Variants in LPL observed in about 807,000 individuals in gnomAD.
The protein encoded by LPL is phospholipase A1.
A neutral mutation model predicts 52.2 loss-of-function variants in LPL; 43 were observed. That is an observed-to-expected ratio of 0.82 (90% confidence interval 0.64 to 1.06). The LOEUF is 1.06. Among genes scored for constraint, LPL ranks in the 50% least tolerant of loss-of-function variants. The pLI is 0.00. For synonymous variants in LPL, 244 were observed against 215.6 expected, an observed-to-expected ratio of 1.13 and a Z score of -1.15; for missense variants, 639 against 585.3, an observed-to-expected ratio of 1.09 and a Z score of -0.95.
rs374067507 is a variant in LPL at position 19,948,202 on chromosome 8, C to A, written c.111C>A (p.Ile37=). 1 of 1,613,990 alleles carries A rather than the reference C, an allele frequency of 6.2e-7. No homozygotes were observed. The highest frequency in any genetic ancestry group is 1.3e-5 in the African/African-American group (1 of 74,904). The part of the protein sequence containing the change: ...AADQRRDFID[I]ESKFALRTPE... Reference sequence around the variant, plus strand: ...CAGAAAGAAGAGATTTTATCGACATCGAAAGTAAATTTGCCCTAAGGACCC... The same window carrying A: ...CAGAAAGAAGAGATTTTATCGACATAGAAAGTAAATTTGCCCTAAGGACCC... Residue 37 remains isoleucine, a synonymous_variant, in exon 2 of 10, where the codon ATC becomes ATA. Coordinates refer to ENST00000650287, the MANE Select transcript of LPL (RefSeq NM_000237.3).
intron 1 of LPL, among the ~76,000 whole-genome samples, chr8:19,940,132 G>T (rs1335125892): frequency 6.6e-6 from 1 of 152,322 alleles, no homozygotes; most frequent in East Asian, 1.9e-4. Context: ...TCGGGGTGGA[G>T]AAAGTACGCG....
chr8:19,963,435 CAAA>C (rs377320060), intron 9 of LPL, among the ~76,000 whole-genome samples: 1 of 132,750 alleles, frequency 7.5e-6, no homozygotes, highest in Non-Finnish European at 1.6e-5. Context: ...GACTCCATCT[CAAA>C]AAAAAAAAAA....
At chr8:19,943,364 G>A (rs2069856471) in intron 1 of LPL, among the ~76,000 whole-genome samples, 1 of 151,982 alleles carries the variant, frequency 6.6e-6, no homozygotes. Flanking sequence ...CATCAATAAT[G>A]TACCTTTGAA....
chr8:19,947,801 T>C (rs1172841370), intron 1 of LPL, among the ~76,000 whole-genome samples: 1 of 151,970 alleles, frequency 6.6e-6, no homozygotes, highest in Non-Finnish European at 1.5e-5. Flanking sequence ...AATACCAGGG[T>C]AGCCTCAGCC....
intron 1 of LPL, among the ~76,000 whole-genome samples, chr8:19,943,988 A>G (rs1224230147): frequency 6.6e-6 from 1 of 152,060 alleles, no homozygotes; most frequent in Non-Finnish European, 1.5e-5. Context: ...GGAGTTCAAG[A>G]CCAGCGTGGC....
At position 19,965,345 on chromosome 8, in the gene LPL, T is replaced by C. The variant is rs1185030895; in HGVS notation, c.*35T>C. On this transcript the variant is annotated 3_prime_UTR_variant, in exon 10 of 10. Coordinates refer to ENST00000650287, the MANE Select transcript of LPL (RefSeq NM_000237.3). ...AATCTACAGAACAAAGAACGGCATG[T>C]GAATTCTGTGAAGAATGAAGTGGAG... The C allele has an allele frequency of 3.8e-6, 3 of 780,496 alleles. No individual in the cohort carries two copies. Among genetic ancestry groups the C allele is most frequent in the African/African-American group, 1.7e-5 (1 of 59,120 alleles). The allele number at this position is 780,496 out of a possible 1,614,324, so 48.3% of individuals were successfully genotyped here.
intron 1 of LPL, among the ~76,000 whole-genome samples, chr8:19,947,111 C>T (rs933712476): frequency 1.3e-5 from 2 of 152,192 alleles, no homozygotes; most frequent in Admixed American, 1.3e-4. Context: ...TTTCTTAGAA[C>T]ATTTTGAAGT....
chr8:19,950,748 G>C lies in LPL; in HGVS notation c.250-1021G>C, dbSNP rs1310712916. Among the ~76,000 whole-genome samples the C allele has an allele frequency of 1.3e-5, 2 of 152,142 alleles. No individual in the cohort carries two copies. The highest frequency in any genetic ancestry group is 2.9e-5 in the Non-Finnish European group (2 of 68,026). ...GAACCAAGGAGGCGGAGGTTGCACT[G>C]AGCTGAGATCATGCCACTGCACTCC... On this transcript the variant is annotated intron_variant, in intron 2 of 9. Transcript: ENST00000650287. This position sits in a 1 kb window ranked among gnomAD's most constrained non-coding sequence, Gnocchi z 4.2.
intron 9 of LPL, among the ~76,000 whole-genome samples, chr8:19,963,432 T>C (rs1486786463): frequency 4.2e-5 from 4 of 96,140 alleles, no homozygotes; most frequent in Non-Finnish European, 8.3e-5. Context: ...AAAGACTCCA[T>C]CTCAAAAAAA....
Position 19,965,631 on chromosome 8 carries a change from T to A in LPL, c.*321T>A, listed in dbSNP as rs1048043604. 3.2e-6 allele frequency: 1 copy of A among 314,684 alleles called. No individual in the cohort carries two copies. The highest frequency in any genetic ancestry group is 4.5e-5 in the Admixed American group (1 of 22,116). The allele number at this position is 314,684 out of a possible 1,614,324, so 19.5% of individuals were successfully genotyped here. A position where few individuals can be genotyped will look rare whatever the true frequency, so the allele number is the denominator to read the frequency against. On this transcript the variant is annotated 3_prime_UTR_variant, in exon 10 of 10. Transcript: ENST00000650287. ...CGCAGAGTAAAATAAGGCTCCTTCA[T>A]GTGGCGTATTGGGCCATAGCCTATA...
Position 19,954,124 on chromosome 8 carries a change from C to T in LPL, c.546C>T (p.Leu182=), listed in dbSNP as rs1249459624. The part of the protein sequence containing the change: ...TNKKVNRITG[L]DPAGPNFEYA... ...CCTGCTTTTTTCCCTTTTAAGGCCT[C>T]GATCCAGCTGGACCTAACTTTGAGT... Residue 182 remains leucine, a synonymous_variant, in exon 5 of 10, where the codon CTC becomes CTT. Transcript: ENST00000650287. 17 of 1,613,430 alleles carry T rather than the reference C, an allele frequency of 1.1e-5. 1 individual carries two copies. The highest frequency in any genetic ancestry group is 1.4e-5 in the Non-Finnish European group (16 of 1,179,358).
chr8:19,948,955 C>A (rs912514424), intron 2 of LPL, among the ~76,000 whole-genome samples: 2 of 151,312 alleles, frequency 1.3e-5, no homozygotes, highest in African/African-American at 4.9e-5. Flanking sequence ...AAGGGCTGGG[C>A]AGGGAACTGA....
At position 19,962,170 on chromosome 8, in the gene LPL, G is replaced by A; in HGVS notation, c.1378G>A (p.Ala460Thr). The A allele has an allele frequency of 1.2e-6, 2 of 1,613,924 alleles. No individual in the cohort carries two copies. Among genetic ancestry groups the A allele is most frequent in the Non-Finnish European group, 8.5e-7 (1 of 1,179,832 alleles). ...VSHLQKGKAP[A>T]VFVKCHDKSL... ...TCATTTGCAGAAAGGAAAGGCACCT[G>A]CGGTATTTGTGAAATGCCATGACAA... The change falls in exon 9 of 10, where the codon GCG becomes ACG. Residue 460 changes from alanine to threonine, a missense_variant. Coordinates refer to ENST00000650287, the MANE Select transcript of LPL (RefSeq NM_000237.3).
chr8:19,954,372 C>T lies in LPL; in HGVS notation c.775+19C>T, dbSNP rs183940705. On this transcript the variant is annotated intron_variant, in intron 5 of 9. Transcript: ENST00000650287. ...CTTGGAGGTAAATATTATTTAGAAG[C>T]GAATTAAATGTGACTCTTATCCTTA... 7.5e-6 allele frequency: 12 copies of T among 1,599,810 alleles called. No individual in the cohort carries two copies. Among genetic ancestry groups the T allele is most frequent in the Middle Eastern group, 3.3e-4 (2 of 6,056 alleles).
chr8:19,939,947 G>A lies in LPL; in HGVS notation c.88+419G>A, dbSNP rs2128835268. Among the ~76,000 whole-genome samples, 1 of 152,308 alleles carries A rather than the reference G, an allele frequency of 6.6e-6. No homozygotes were observed. The highest frequency in any genetic ancestry group is 6.5e-5 in the Admixed American group (1 of 15,310). ...TGGAATGAAAGGCGCGCGGGCCAAGGTGACCTCGCCTTGGTTGGCACTGCG... is the reference window on the plus strand; with the variant it reads ...TGGAATGAAAGGCGCGCGGGCCAAGATGACCTCGCCTTGGTTGGCACTGCG... On this transcript the variant is annotated intron_variant, in intron 1 of 9. Transcript: ENST00000650287. This position sits in a 1 kb window ranked among gnomAD's most constrained non-coding sequence, Gnocchi z 4.0.
At chr8:19,946,938 A>C (rs2069886390) in intron 1 of LPL, among the ~76,000 whole-genome samples, 1 of 152,204 alleles carries the variant, frequency 6.6e-6, no homozygotes, top group Non-Finnish European at 1.5e-5. Flanking sequence ...ATTAACTATG[A>C]AGAACCAAAG....
chr8:19,939,813 C>A lies in LPL; in HGVS notation c.88+285C>A, dbSNP rs1333913170. ...CTGGCTGGGACCGCGTTCCCGGGCT[C>A]GCAGGCTCCGCCGGGGAGGTTCCGG... On this transcript the variant is annotated intron_variant, in intron 1 of 9. Transcript: ENST00000650287. The surrounding 1 kb of genome is among the most constrained non-coding windows in gnomAD (Gnocchi z 4.0). Among the ~76,000 whole-genome samples the A allele has an allele frequency of 6.6e-6, 1 of 152,214 alleles. No homozygotes were observed. The highest frequency in any genetic ancestry group is 1.5e-5 in the Non-Finnish European group (1 of 68,032).
At chr8:19,960,573 T>C (rs554540115) in intron 7 of LPL, among the ~76,000 whole-genome samples, 61 of 152,342 alleles carry the variant, frequency 4.0e-4, no homozygotes, top group South Asian at 1.9e-3. Context: ...GCTATGATTG[T>C]AGCTAAATAA....
chr8:19,960,865 T>A (rs541807762), intron 7 of LPL, 36 bp from the exon 8 acceptor site: 10 of 1,550,026 alleles, frequency 6.5e-6, no homozygotes, highest in Non-Finnish European at 8.9e-6. Flanking sequence ...AGAGCTGATC[T>A]CTATAACTAA....
Sources: gnomAD v4.1 joint callset for allele counts (sites outside exome capture counted in the v4.1 genomes callset) on GRCh38, gnomAD v4.1.1 for gene constraint, Gnocchi (gnomAD v3.1) non-coding constraint, MANE v1.5 for transcripts, NCBI Gene and HGNC (gene_info 2026-07-23, HGNC 2026-07-21) for gene names.